The following LRRC53 variants were observed in gnomAD, a reference collection of about 807,000 sequenced individuals.
LRRC53 encodes leucine rich repeat containing 53, also known as leucine-rich repeat-containing protein 53.
LRRC53 carries 25 observed loss-of-function variants against 13.6 expected under a neutral mutation model. That is an observed-to-expected ratio of 1.83 (90% CI 1.34 to 2.56). LRRC53 has a LOEUF of 2.56. Among genes scored for constraint, LRRC53 ranks in the 30% most tolerant of loss-of-function variants. LRRC53 has a pLI of 0.00. For synonymous variants in LRRC53, 204 were observed against 109.8 expected, an observed-to-expected ratio of 1.86 and a Z score of -5.37; for missense variants, 527 against 275.8, an observed-to-expected ratio of 1.91 and a Z score of -6.45.
At chr1:74,474,965 C>A (rs1668115703) in intron 4 of LRRC53, among the ~76,000 whole-genome samples, 3 of 151,728 alleles carry the variant, frequency 2.0e-5, no homozygotes, top group Admixed American at 2.0e-4. Flanking sequence ...ACTAGCTATC[C>A]CATAGATCTT....
the LRRC53 span, among the ~76,000 whole-genome samples, chr1:74,526,487 G>C: frequency 3.9e-5 from 6 of 152,198 alleles, no homozygotes; most frequent in South Asian, 1.2e-3. Flanking sequence ...CTGTGACTTT[G>C]GCCAAGTTAG....
Position 74,469,442 on chromosome 1 carries a change from GA to G in LRRC53, c.*435del, listed in dbSNP as rs1193327591. ...AGGAAAACAGATCAAACACAAATAT[GA>G]ATATATAATTATCCATGTAGAAAGC... is the stretch of plus-strand genomic sequence containing the variant. On this transcript the variant is annotated 3_prime_UTR_variant, in exon 5 of 5. Coordinates refer to ENST00000294635, the MANE Select transcript of LRRC53 (RefSeq NM_001382280.1). 1 of 152,862 alleles carries G rather than the reference GA, an allele frequency of 6.5e-6. No individual in the cohort carries two copies. The highest frequency in any genetic ancestry group is 6.6e-5 in the Admixed American group (1 of 15,264). 9.5% of individuals were successfully genotyped at this position (152,862 alleles called of 1,614,324 possible).
chr1:74,478,291 C>A (rs1235402503), intron 3 of LRRC53, among the ~76,000 whole-genome samples: 2 of 152,070 alleles, frequency 1.3e-5, no homozygotes, highest in Non-Finnish European at 2.9e-5. Flanking sequence ...ATAATTCACA[C>A]CAAAACTTAA....
chr1:74,500,366 C>T (rs940468246), intron 1 of LRRC53, among the ~76,000 whole-genome samples: 2 of 151,600 alleles, frequency 1.3e-5, no homozygotes, highest in Non-Finnish European at 2.9e-5. Flanking sequence ...CCTTGGGAGG[C>T]CGAGGCGGGC....
intron 1 of LRRC53, among the ~76,000 whole-genome samples, chr1:74,485,397 T>C (rs1265144485): frequency 6.6e-6 from 1 of 152,136 alleles, no homozygotes; most frequent in African/African-American, 2.4e-5. Context: ...GGATGTGTGG[T>C]TCAGGGGCAA....
At chr1:74,491,019 G>A (rs1669043645) in intron 1 of LRRC53, among the ~76,000 whole-genome samples, 1 of 152,176 alleles carries the variant, frequency 6.6e-6, no homozygotes, top group South Asian at 2.1e-4. Context: ...GATATGATTA[G>A]TCTTGTTCTG....
In LRRC53 at chr1:74,489,268, A is replaced by C. The variant is rs142942027; in HGVS notation, c.-26-5893T>G. Reference sequence around the variant, plus strand: ...ATTGAGGTAAAAGCTTTAGCTTCTGAAATATGTCCATAAAAAAGCCCTGCA... The same window carrying C: ...ATTGAGGTAAAAGCTTTAGCTTCTGCAATATGTCCATAAAAAAGCCCTGCA... On this transcript the variant is annotated intron_variant, in intron 1 of 4. Coordinates refer to ENST00000294635, the MANE Select transcript of LRRC53 (RefSeq NM_001382280.1). The C allele has an allele frequency of 6.8e-3, 10,823 of 1,601,834 alleles. 76 individuals carry two copies. The highest frequency in any genetic ancestry group is 8.3e-3 in the Non-Finnish European group (9,773 of 1,175,766).
At chr1:74,510,864 TAA>T (rs1670152918) in intron 1 of LRRC53, among the ~76,000 whole-genome samples, 1 of 152,226 alleles carries the variant, frequency 6.6e-6, no homozygotes. Context: ...TATTCTTGTA[TAA>T]AGAGTTTTAG....
the LRRC53 span, among the ~76,000 whole-genome samples, chr1:74,522,489 T>C: frequency 6.6e-6 from 1 of 152,024 alleles, no homozygotes; most frequent in Non-Finnish European, 1.5e-5. Context: ...GTAGTACGAG[T>C]TGCATGACTA....
intron 1 of LRRC53, among the ~76,000 whole-genome samples, chr1:74,506,408 C>T (rs1035409828): frequency 2.0e-5 from 3 of 152,126 alleles, no homozygotes; most frequent in Admixed American, 6.5e-5. Context: ...AGATTTGAGC[C>T]GAGATCAGCC....
intron 3 of LRRC53, among the ~76,000 whole-genome samples, chr1:74,476,756 A>G (rs1668227210): frequency 6.6e-6 from 1 of 152,182 alleles, no homozygotes; most frequent in Non-Finnish European, 1.5e-5. Flanking sequence ...TCTGGAAATA[A>G]AGACAGCATT....
chr1:74,510,910 G>A (rs983313378), intron 1 of LRRC53, among the ~76,000 whole-genome samples: 3 of 152,104 alleles, frequency 2.0e-5, no homozygotes, highest in Non-Finnish European at 4.4e-5. Context: ...TTTTTGAGAC[G>A]AAGTCTCACT....
chr1:74,475,825 G>A lies in LRRC53; in HGVS notation c.905-15C>T. On this transcript the variant is annotated splice_polypyrimidine_tract_variant and intron_variant, in intron 3 of 4. Coordinates refer to ENST00000294635, the MANE Select transcript of LRRC53 (RefSeq NM_001382280.1). ...ACCAACAGCTCCTATGACAAATAGA[G>A]AGACCATTAAAAGATAACATCTTGG... 1 of 573,890 alleles carries A rather than the reference G, an allele frequency of 1.7e-6. No individual in the cohort carries two copies. Among genetic ancestry groups the A allele is most frequent in the Admixed American group, 3.2e-5 (1 of 31,718 alleles). The allele number at this position is 573,890 out of a possible 1,614,324, so 35.5% of individuals were successfully genotyped here.
At chr1:74,496,529 T>C (rs1669333881) in intron 1 of LRRC53, among the ~76,000 whole-genome samples, 1 of 152,190 alleles carries the variant, frequency 6.6e-6, no homozygotes, top group Non-Finnish European at 1.5e-5. Context: ...CAATTTTTGG[T>C]CATGAAGTTC....
At chr1:74,478,974 G>A (rs1410192706) in intron 3 of LRRC53, among the ~76,000 whole-genome samples, 1 of 152,090 alleles carries the variant, frequency 6.6e-6, no homozygotes, top group Non-Finnish European at 1.5e-5. Context: ...ACTGCTGATG[G>A]TAGTTCCATT....
In LRRC53 at chr1:74,472,186, A is replaced by G. The variant is rs532112927; in HGVS notation, c.1436T>C (p.Ile479Thr). ...GGGTGTTGCATATCTTCTTCTAAAT[A>G]TGTCACTGCTGATATCTGTGGAACA... ...IIRTEDISSDIFRRRYATPAS... is the reference protein window; with the variant it reads ...IIRTEDISSDTFRRRYATPAS... Residue 479 changes from isoleucine to threonine, a missense_variant, in exon 5 of 5, where the codon ATA (isoleucine) becomes ACA (threonine). Ile to Thr is a moderately conservative substitution (Grantham distance 89, BLOSUM62 -1). Coordinates refer to ENST00000294635, the MANE Select transcript of LRRC53 (RefSeq NM_001382280.1). The G allele has an allele frequency of 2.5e-4, 176 of 716,934 alleles. 1 individual carries two copies. Among genetic ancestry groups the G allele is most frequent in the African/African-American group, 2.4e-3 (140 of 57,352 alleles). 44.4% of individuals were successfully genotyped at this position (716,934 alleles called of 1,614,324 possible).
chr1:74,499,861 A>G (rs1669519267), intron 1 of LRRC53, among the ~76,000 whole-genome samples: 1 of 152,100 alleles, frequency 6.6e-6, no homozygotes, highest in Non-Finnish European at 1.5e-5. Flanking sequence ...GGGTTCTTAT[A>G]TACCTTTTGT....
At chr1:74,536,408 C>T in the LRRC53 span, among the ~76,000 whole-genome samples, 3 of 152,050 alleles carry the variant, frequency 2.0e-5, no homozygotes, top group Admixed American at 6.6e-5. Context: ...GACATCTATA[C>T]CCCTAAAGCA....
At chr1:74,534,185 A>C in the LRRC53 span, among the ~76,000 whole-genome samples, 1 of 149,182 alleles carries the variant, frequency 6.7e-6, no homozygotes, top group Non-Finnish European at 1.5e-5. Flanking sequence ...GGGTCTCTTT[A>C]TTTAAAACAA....
Sources: allele counts gnomAD v4.1 joint callset (sites outside exome capture counted in the v4.1 genomes callset), GRCh38; gene constraint gnomAD v4.1.1; transcripts MANE v1.5; gene names NCBI Gene and HGNC (gene_info 2026-07-23, HGNC 2026-07-21).